The following CFAP92 variants were observed in gnomAD, a reference collection of about 807,000 sequenced individuals.
CFAP92 encodes the protein cilia and flagella associated protein 92 (putative).
In CFAP92, 86 loss-of-function variants were observed where a neutral mutation model predicts 106.3. That is an observed-to-expected ratio of 0.81 (90% CI 0.68 to 0.97). The LOEUF (loss-of-function observed/expected upper bound fraction) is 0.97. CFAP92 is among the 50% of genes least tolerant of loss of function. The probability of loss-of-function intolerance (pLI) is 0.00; values close to 1 mark genes in which losing one functional copy is unlikely to be tolerated. For missense variants in CFAP92, 1,204 were observed against 1,283.8 expected, an observed-to-expected ratio of 0.94 and a Z score of 0.95; for synonymous variants, 477 against 506.4, an observed-to-expected ratio of 0.94 and a Z score of 0.78.
chr3:128,956,215 T>TAAAAAAAAAAAAAAAAAAAAAAAA (rs545191144), intron 9 of CFAP92, among the ~76,000 whole-genome samples: 5 of 68,752 alleles, frequency 7.3e-5, no homozygotes, highest in African/African-American at 3.1e-4. Context: ...AATAAAAAAA[T>TAAAAAAAAAAAAAAAAAAAAAAAA]AAAAAAAAAA....
chr3:128,932,622 G>T (rs986655336), intron 12 of CFAP92, 78 bp downstream of exon 12: 9 of 1,370,746 alleles, frequency 6.6e-6, no homozygotes, highest in Non-Finnish European at 8.8e-6. Context: ...TCAGGAATAT[G>T]CCCTATGCCT....
intron 1 of CFAP92, chr3:128,993,623 G>C (rs1944354910): frequency 7.7e-6 from 3 of 389,796 alleles, no homozygotes; most frequent in Non-Finnish European, 1.5e-5. Flanking sequence ...CTTCTGGAAT[G>C]CCTGCCCCAG....
At chr3:128,975,733 C>A in intron 7 of CFAP92, 46 bp downstream of exon 7, 1 of 1,374,218 alleles carries the variant, frequency 7.3e-7, no homozygotes, top group Non-Finnish European at 9.9e-7. Context: ...ATAATTATTC[C>A]AAGTCTAGTT....
chr3:129,004,452 C>T (rs927339358), upstream of CFAP92, among the ~76,000 whole-genome samples: 24 of 145,978 alleles, frequency 1.6e-4, no homozygotes, highest in Non-Finnish European at 3.0e-4. Context: ...CCTACCCACC[C>T]GTCCATCCAT....
intron 2 of CFAP92, among the ~76,000 whole-genome samples, chr3:128,990,969 G>GA (rs1019338673): frequency 8.6e-5 from 13 of 150,578 alleles, no homozygotes; most frequent in East Asian, 3.9e-4. Flanking sequence ...GGTATTGAAG[G>GA]AAAAAAAAAT....
the CFAP92 span, among the ~76,000 whole-genome samples, chr3:129,017,210 G>C: frequency 6.6e-6 from 1 of 152,222 alleles, no homozygotes; most frequent in African/African-American, 2.4e-5. Context: ...TTGAGGCTTC[G>C]TGAAGGCGGC....
chr3:128,939,295 C>T (rs893673710), intron 10 of CFAP92, among the ~76,000 whole-genome samples: 12 of 152,104 alleles, frequency 7.9e-5, no homozygotes, highest in African/African-American at 1.2e-4. Context: ...TGCGCCACCA[C>T]GCCTGGCTAA....
intron 8 of CFAP92, chr3:128,967,702 CA>C (rs545688313): frequency 1.5e-3 from 174 of 112,510 alleles, no homozygotes; most frequent in South Asian, 5.3e-3. Context: ...AACTCCGTCT[CA>C]AAAAAAAAAA....
At chr3:128,948,219 G>T (rs1173901577) in intron 9 of CFAP92, among the ~76,000 whole-genome samples, 1 of 152,004 alleles carries the variant, frequency 6.6e-6, no homozygotes, top group Non-Finnish European at 1.5e-5. Flanking sequence ...GTGAGACAGG[G>T]TCTTGCTCTG....
At chr3:128,973,422 C>T (rs1013953434) in intron 7 of CFAP92, among the ~76,000 whole-genome samples, 4 of 151,808 alleles carry the variant, frequency 2.6e-5, no homozygotes, top group Non-Finnish European at 5.9e-5. Context: ...TTTGGGAGGC[C>T]GAGGCAAGCG....
At chr3:129,010,537 C>T in the CFAP92 span, among the ~76,000 whole-genome samples, 20 of 152,008 alleles carry the variant, frequency 1.3e-4, no homozygotes, top group South Asian at 2.1e-4. This position sits in a 1 kb window ranked among gnomAD's most constrained non-coding sequence, Gnocchi z 4.3. Context: ...GGAGGAGGGA[C>T]GGCAATTGGC....
chr3:128,930,294 GT>G (rs1024970880), intron 12 of CFAP92, among the ~76,000 whole-genome samples: 18 of 152,132 alleles, frequency 1.2e-4, no homozygotes, highest in African/African-American at 3.6e-4. Context: ...GGGACTACAG[GT>G]GCCCGCCACC....
chr3:128,948,111 C>T (rs1369312169), intron 9 of CFAP92, among the ~76,000 whole-genome samples: 1 of 152,132 alleles, frequency 6.6e-6, no homozygotes, highest in African/African-American at 2.4e-5. Context: ...AGACAAACTA[C>T]AGACTGGGAG....
chr3:128,986,060 A>C (rs1054550211), intron 4 of CFAP92, among the ~76,000 whole-genome samples: 2 of 152,146 alleles, frequency 1.3e-5, no homozygotes, highest in South Asian at 2.1e-4. Flanking sequence ...TGAAAGACTG[A>C]AAGTGGGAAG....
At chr3:128,977,141 T>C in intron 5 of CFAP92, 75 bp from the exon 6 acceptor site, 1 of 1,139,738 alleles carries the variant, frequency 8.8e-7, no homozygotes, top group Non-Finnish European at 1.3e-6. Context: ...CCCTGACCCA[T>C]TTCTGTAATG....
At chr3:128,994,240 G>A, upstream of CFAP92, 1 of 729,326 alleles carries the variant, frequency 1.4e-6, no homozygotes, top group Non-Finnish European at 1.7e-6. Flanking sequence ...GCTACATCCA[G>A]GTTCAGAAAC....
intron 1 of CFAP92, among the ~76,000 whole-genome samples, chr3:129,000,552 T>G (rs1156901702): frequency 3.9e-5 from 6 of 152,190 alleles, no homozygotes; most frequent in Non-Finnish European, 8.8e-5. Context: ...CCGTTCCCGG[T>G]GCAGGTAACA....
chr3:128,917,137 C>CT (rs1936882976), intron 12 of CFAP92, among the ~76,000 whole-genome samples: 1 of 152,310 alleles, frequency 6.6e-6, no homozygotes, highest in South Asian at 2.1e-4. Flanking sequence ...TCTAGGTCCT[C>CT]AGACTTTGGA....
At chr3:129,019,764 C>CTTT in the CFAP92 span, among the ~76,000 whole-genome samples, 2,142 of 107,386 alleles carry the variant, frequency 0.02, 60 homozygotes, top group Non-Finnish European at 0.031. Context: ...ATTAAATTTA[C>CTTT]TTTTTTTTTT....
Sources: gnomAD v4.1 joint callset for allele counts (sites outside exome capture counted in the v4.1 genomes callset) on GRCh38, gnomAD v4.1.1 for gene constraint, Gnocchi (gnomAD v3.1) non-coding constraint, MANE v1.5 for transcripts, NCBI Gene and HGNC (gene_info 2026-07-23, HGNC 2026-07-21) for gene names.